TTLL12: variants seen among roughly 807,000 people sequenced by gnomAD.
The protein encoded by TTLL12 is tubulin--tyrosine ligase-like protein 12.
In TTLL12, 77 loss-of-function variants were observed where a neutral mutation model predicts 79.6. The observed-to-expected ratio is 0.97, with a 90% CI of 0.81 to 1.17. The LOEUF (loss-of-function observed/expected upper bound fraction) is 1.17. TTLL12 is among the 50% of genes most tolerant of loss of function. The probability of loss-of-function intolerance (pLI) is 0.00; values close to 1 mark genes in which losing one functional copy is unlikely to be tolerated. For missense variants in TTLL12, 969 were observed against 895.9 expected (o/e 1.08, Z -1.04); for synonymous variants, 437 against 376.1 (o/e 1.16, Z -1.87).
At position 43,179,723 on chromosome 22, in the gene TTLL12, C is replaced by G. The variant is rs1932004078; in HGVS notation, c.736G>C (p.Glu246Gln). 2 of 1,564,700 alleles carry G rather than the reference C, an allele frequency of 1.3e-6. No homozygotes were observed. The highest frequency in any genetic ancestry group is 1.7e-6 in the Non-Finnish European group (2 of 1,154,354). Reference protein sequence around the residue: ...EEVTRDFAYGETDPLIRKCML... With the variant: ...EEVTRDFAYGQTDPLIRKCML... ...CACTTCCGGATCAGGGGGTCCGTCT[C>G]TCCGTAGGCAAAGTCTCGGGTCACC... The change falls in exon 5 of 14, where the codon GAG becomes CAG. Residue 246 changes from glutamate (E) to glutamine (Q), a missense_variant. Glu to Gln is a conservative substitution (Grantham distance 29, BLOSUM62 2). Transcript: ENST00000216129.
At chr22:43,169,600 T>C (rs771681110) in intron 11 of TTLL12, 32 bp from the exon 12 acceptor site, 12 of 1,609,330 alleles carry the variant, frequency 7.5e-6, no homozygotes, top group East Asian at 2.2e-5. Context: ...TCACGCTCTG[T>C]ACAGGCCTCC....
chr22:43,175,885 A>G lies in TTLL12; in HGVS notation c.917+435T>C, dbSNP rs555623562. Among the ~76,000 whole-genome samples the G allele has an allele frequency of 1.4e-3, 179 of 130,520 alleles. 1 individual carries two copies. In the Middle Eastern group the frequency reaches 0.045, roughly 33 times the overall value. 85.6% of individuals were successfully genotyped at this position (130,520 alleles called of 152,430 possible). ...GTATTTTTAGTAGAGACGGGCTTTC[A>G]CCATGCTGGCCAGGCTGGTGTTGAA... is the stretch of plus-strand genomic sequence containing the variant. On this transcript the variant is annotated intron_variant, in intron 6 of 13. Transcript: ENST00000216129.
At chr22:43,176,459 G>C (rs906524137) in intron 5 of TTLL12, 63 bp from the exon 6 acceptor site, 1 of 1,361,740 alleles carries the variant, frequency 7.3e-7, no homozygotes, top group Non-Finnish European at 1.0e-6. Flanking sequence ...GCCGGCCGTG[G>C]TGGCTCATGT....
In TTLL12 at chr22:43,183,093, C is replaced by T. The variant is rs753801154; in HGVS notation, c.234G>A (p.Glu78=). Residue 78 remains glutamate (E), a synonymous_variant, in exon 2 of 14, where the codon GAG becomes GAA. Coordinates refer to ENST00000216129, the MANE Select transcript of TTLL12 (RefSeq NM_015140.4). ...GIMQVEEVEE[E]EDEAAREVRK... ...GCACCTCCCGGGCTGCCTCGTCCTC[C>T]TCCTCTTCTACCTCCTCCACTTGCA... The T allele has an allele frequency of 1.3e-5, 21 of 1,614,004 alleles. No individual in the cohort carries two copies. Among genetic ancestry groups the T allele is most frequent in the Non-Finnish European group, 1.6e-5 (19 of 1,179,998 alleles).
chr22:43,179,590 C>T (rs372298286), intron 5 of TTLL12, 29 bp downstream of exon 5: 3 of 1,533,546 alleles, frequency 2.0e-6, no homozygotes, highest in South Asian at 2.5e-5. Flanking sequence ...ACCAAGCAGA[C>T]AGGCCTGGTG....
At chr22:43,183,306 T>G (rs1479508093) in intron 1 of TTLL12, among the ~76,000 whole-genome samples, 157 bp from the exon 2 acceptor site, 3 of 152,036 alleles carry the variant, frequency 2.0e-5, no homozygotes, top group Non-Finnish European at 4.4e-5. Flanking sequence ...AACCACACAG[T>G]CTTACGGGCG....
In TTLL12 at chr22:43,179,791, G is replaced by A. The variant is rs765571514; in HGVS notation, c.707-39C>T. The A allele has an allele frequency of 5.8e-6, 9 of 1,548,718 alleles. No homozygotes were observed. The Admixed American group carries it at 1.2e-4, about 20-fold the overall frequency. The stretch of plus-strand genomic sequence containing the variant: ...TGAGTGCCCATCAGAGGGGGTGACG[G>A]GACACTGGGCTGAGGCCCCTCCTCC... On this transcript the variant is annotated intron_variant, in intron 4 of 13. Coordinates refer to ENST00000216129, the MANE Select transcript of TTLL12 (RefSeq NM_015140.4).
intron 11 of TTLL12, among the ~76,000 whole-genome samples, chr22:43,171,241 A>G (rs565432212): frequency 2.7e-4 from 41 of 152,296 alleles, no homozygotes; most frequent in Non-Finnish European, 3.8e-4. Context: ...GTCCACGTAC[A>G]CTGGCTGGCC....
rs1162539395 is a variant in TTLL12 at position 43,166,998 on chromosome 22, C to A, written c.*1010G>T. The A allele has an allele frequency of 3.0e-6, 1 of 330,292 alleles. No homozygotes were observed. Among genetic ancestry groups the A allele is most frequent in the Non-Finnish European group, 6.0e-6 (1 of 167,434 alleles). 20.5% of individuals were successfully genotyped at this position (330,292 alleles called of 1,614,324 possible). A position where few individuals can be genotyped will look rare whatever the true frequency, so the allele number is the denominator to read the frequency against. ...CAGGCACACTGCAGCCACACAAAAA[C>A]GCTGGCAGCTGACTCCTAATTTCAG... On this transcript the variant is annotated 3_prime_UTR_variant, in exon 14 of 14. Coordinates refer to ENST00000216129, the MANE Select transcript of TTLL12 (RefSeq NM_015140.4).
chr22:43,186,990 GC>G lies in TTLL12; in HGVS notation c.79del (p.Ala27ProfsTer49). 7.8e-7 allele frequency: 1 copy of G among 1,284,222 alleles called. No individual in the cohort carries two copies. The highest frequency in any genetic ancestry group is 9.9e-7 in the Non-Finnish European group (1 of 1,013,244). 79.6% of individuals were successfully genotyped at this position (1,284,222 alleles called of 1,614,324 possible). On this transcript the variant is annotated frameshift_variant, in exon 1 of 14. Coordinates refer to ENST00000216129, the MANE Select transcript of TTLL12 (RefSeq NM_015140.4). LOFTEE classifies it high-confidence loss of function. ...PGQTPEEGAQ[A>X]LAEFAALHGP... ...GTGCAGCGCCGCGAACTCGGCCAAG[GC>G]CTGCGCGCCCTCCTCCGGCGTCTGG...
At position 43,167,980 on chromosome 22, in the gene TTLL12, A is replaced by G. The variant is rs749168598; in HGVS notation, c.*28T>C. On this transcript the variant is annotated 3_prime_UTR_variant, in exon 14 of 14. Coordinates refer to ENST00000216129, the MANE Select transcript of TTLL12 (RefSeq NM_015140.4). ...AGAACTGAGGTTGGAATCCTGCCCCAAGCACAGGTTTTGGGGACAGCGAGT... is the reference window on the plus strand; with the variant it reads ...AGAACTGAGGTTGGAATCCTGCCCCGAGCACAGGTTTTGGGGACAGCGAGT... 2 of 1,606,200 alleles carry G rather than the reference A, an allele frequency of 1.2e-6. No individual in the cohort carries two copies. Among genetic ancestry groups the G allele is most frequent in the South Asian group, 1.1e-5 (1 of 90,556 alleles).
chr22:43,181,425 C>T (rs189147874), intron 2 of TTLL12, among the ~76,000 whole-genome samples: 12 of 152,364 alleles, frequency 7.9e-5, no homozygotes, highest in Admixed American at 2.0e-4. Context: ...CAGAGGCCAA[C>T]GCACACAGAC....
intron 3 of TTLL12, 66 bp downstream of exon 3, chr22:43,180,676 A>C: frequency 6.4e-7 from 1 of 1,553,592 alleles, no homozygotes; most frequent in Non-Finnish European, 8.8e-7. Flanking sequence ...GCCTGATGGC[A>C]CAGGGCAGCG....
intron 8 of TTLL12, 55 bp downstream of exon 8, chr22:43,174,154 C>T (rs954274674): frequency 1.0e-5 from 16 of 1,565,288 alleles, no homozygotes; most frequent in South Asian, 2.3e-5. Context: ...CGGACACAGA[C>T]GCTGGGCCGG....
intron 2 of TTLL12, among the ~76,000 whole-genome samples, chr22:43,182,403 C>T (rs954494937): frequency 1.3e-5 from 2 of 152,214 alleles, no homozygotes; most frequent in African/African-American, 4.8e-5. Flanking sequence ...TGTGCGTGGA[C>T]ACAGGGGCCC....
intron 1 of TTLL12, among the ~76,000 whole-genome samples, chr22:43,183,797 G>A (rs1601777224): frequency 6.6e-6 from 1 of 152,248 alleles, no homozygotes; most frequent in South Asian, 2.1e-4. Flanking sequence ...CCCTGGCACA[G>A]CCACACTCAC....
intron 5 of TTLL12, among the ~76,000 whole-genome samples, chr22:43,178,004 A>T (rs1931957565): frequency 6.6e-6 from 1 of 152,188 alleles, no homozygotes; most frequent in African/African-American, 2.4e-5. Flanking sequence ...AGAGCTTCCC[A>T]AGGAAAAACA....
chr22:43,169,460 C>A, intron 12 of TTLL12, 40 bp downstream of exon 12: 2 of 1,527,342 alleles, frequency 1.3e-6, no homozygotes, highest in South Asian at 1.3e-5. Context: ...GCCCGGGACC[C>A]GCCCCACCGG....
rs1931827777 is a variant in TTLL12, at chr22:43,173,811, G to A, written c.1245C>T (p.His415=). ...CCAGGTTCCAGGGCTTGCAGATCCA[G>A]TGGTTGTCCTCGCCCCTGGGGAGCA... ...QQRERWGEDN[H]WICKPWNLAR... is the part of the protein sequence containing the mutation. The change falls in exon 9 of 14, where the codon CAC becomes CAT. Residue 415 remains histidine (H), a synonymous_variant. Coordinates refer to ENST00000216129, the MANE Select transcript of TTLL12 (RefSeq NM_015140.4). The A allele has an allele frequency of 2.5e-6, 4 of 1,604,004 alleles. No homozygotes were observed. The highest frequency in any genetic ancestry group is 2.2e-5 in the South Asian group (2 of 91,036).
Sources: allele counts gnomAD v4.1 joint callset (sites outside exome capture counted in the v4.1 genomes callset), GRCh38; gene constraint gnomAD v4.1.1; transcripts MANE v1.5; gene names NCBI Gene and HGNC (gene_info 2026-07-23, HGNC 2026-07-21).